Variants in QKI observed in about 807,000 individuals in gnomAD.
QKI encodes KH domain-containing RNA-binding protein QKI.
A neutral mutation model predicts 39.0 loss-of-function variants in QKI; 10 were observed. The ratio of observed to expected loss-of-function variants is 0.26; its 90% CI spans 0.16 to 0.43. QKI has a LOEUF of 0.43. Ranked by LOEUF, QKI falls within the 20% of genes least tolerant of loss-of-function variation. The pLI, the probability that QKI is intolerant of heterozygous loss-of-function variation, is 1.00. For missense variants in QKI, 218 were observed against 428.0 expected (o/e 0.51, Z 4.33); for synonymous variants, 204 against 155.4 (o/e 1.31, Z -2.33).
In QKI at chr6:163,570,294, T is replaced by C. The variant is rs139772926; in HGVS notation, c.1010-400T>C. 4.3e-3 allele frequency: 4,250 copies of C among 986,912 alleles called. 15 individuals are homozygous for C. Among genetic ancestry groups the C allele is most frequent in the Non-Finnish European group, 4.8e-3 (3,998 of 830,022 alleles). The allele number at this position is 986,912 out of a possible 1,614,324, so 61.1% of individuals were successfully genotyped here. A position where few individuals can be genotyped will look rare whatever the true frequency, so the allele number is the denominator to read the frequency against. ...CTTGCATCTTAGAGAATACTAATGC[T>C]TAATAGCAGTCAGATACTGATAACT... On this transcript the variant is annotated intron_variant, in intron 7 of 7. Transcript: ENST00000361752.
intron 4 of QKI, among the ~76,000 whole-genome samples, chr6:163,552,509 C>T (rs1782298623): frequency 6.6e-6 from 1 of 152,006 alleles, no homozygotes; most frequent in Non-Finnish European, 1.5e-5. Context: ...CGTGCCCAGC[C>T]TCATAAAGTT....
Position 163,564,588 on chromosome 6 carries a change from CATAAT to C in QKI, c.934+874_934+878del, listed in dbSNP as rs1303123123. ...TCTCACTTAAGGCAGAAATTAAAAT[CATAAT>C]ATAAACGCTTGGTTTTACATGAACA... is the stretch of plus-strand genomic sequence containing the variant. On this transcript the variant is annotated intron_variant, in intron 6 of 7. Coordinates refer to ENST00000361752, the MANE Select transcript of QKI (RefSeq NM_006775.3). The C allele has an allele frequency of 5.2e-5, 84 of 1,603,784 alleles. No individual in the cohort carries two copies. The Admixed American group carries it at 1.3e-3, about 25-fold the overall frequency.
chr6:163,546,301 A>T (rs189244212), intron 4 of QKI, among the ~76,000 whole-genome samples: 7 of 151,976 alleles, frequency 4.6e-5, no homozygotes, highest in Admixed American at 4.6e-4. Flanking sequence ...GGTAAGTAGC[A>T]TCATGTTCCT....
Position 163,476,101 on chromosome 6 carries a change from T to A in QKI, c.286-2679T>A, listed in dbSNP as rs561190717. Among the ~76,000 whole-genome samples the A allele has an allele frequency of 2.0e-4, 31 of 152,234 alleles. No homozygotes were observed. In the South Asian group the frequency reaches 5.8e-3, roughly 29 times the overall value. On this transcript the variant is annotated intron_variant, in intron 2 of 7. Coordinates refer to ENST00000361752, the MANE Select transcript of QKI (RefSeq NM_006775.3). Reference sequence around the variant, plus strand: ...ATGTGAAAAAAATGCTTAGCTTCATTAGTAGTCAGAGGAATGCTAATTGAA... The same window carrying A: ...ATGTGAAAAAAATGCTTAGCTTCATAAGTAGTCAGAGGAATGCTAATTGAA...
rs1456133147 is a variant in QKI at position 163,571,641 on chromosome 6, T to C, written c.*931T>C. 2.6e-5 allele frequency: 4 copies of C among 152,024 alleles called. No individual in the cohort carries two copies. Among genetic ancestry groups the C allele is most frequent in the African/African-American group, 4.8e-5 (2 of 41,406 alleles). 9.4% of individuals were successfully genotyped at this position (152,024 alleles called of 1,614,324 possible). A position where few individuals can be genotyped will look rare whatever the true frequency, so the allele number is the denominator to read the frequency against. ...AACAAATGAACAAAAAGTAGATACT[T>C]TTACTATACAAGGGTGCTGGTGCAG... On this transcript the variant is annotated 3_prime_UTR_variant, in exon 8 of 8. Transcript: ENST00000361752.
chr6:163,523,033 A>G (rs1327292770), intron 3 of QKI, among the ~76,000 whole-genome samples: 1 of 152,182 alleles, frequency 6.6e-6, no homozygotes, highest in Non-Finnish European at 1.5e-5. Context: ...GTTCTCTTAC[A>G]TTTTGGAAAT....
intron 4 of QKI, among the ~76,000 whole-genome samples, chr6:163,541,532 G>A (rs868367384): frequency 3.9e-4 from 52 of 134,304 alleles, no homozygotes; most frequent in African/African-American, 1.4e-3. Context: ...AGTTTTGTCT[G>A]TTACTGAAAG....
chr6:163,445,875 A>G (rs760787911), intron 1 of QKI, among the ~76,000 whole-genome samples: 2 of 152,130 alleles, frequency 1.3e-5, no homozygotes, highest in Non-Finnish European at 2.9e-5. Flanking sequence ...CGGCCTCCCA[A>G]AGTGCTGGGA....
intron 3 of QKI, among the ~76,000 whole-genome samples, chr6:163,528,694 C>T (rs1780665930): frequency 6.6e-6 from 1 of 152,116 alleles, no homozygotes; most frequent in Admixed American, 6.6e-5. Flanking sequence ...GTCAAGAATA[C>T]AGACCATGAT....
intron 3 of QKI, among the ~76,000 whole-genome samples, chr6:163,509,538 C>T (rs1480268941): frequency 1.3e-5 from 2 of 151,618 alleles, no homozygotes; most frequent in South Asian, 4.2e-4. Context: ...TACACGTGGA[C>T]GTATGTGGTT....
intron 3 of QKI, among the ~76,000 whole-genome samples, chr6:163,510,643 A>G (rs112467229): frequency 1.8e-4 from 27 of 152,324 alleles, no homozygotes; most frequent in African/African-American, 6.5e-4. Flanking sequence ...ATTTTAAGAA[A>G]ACAGTAAAAG....
chr6:163,437,204 AT>A (rs1338843752), intron 1 of QKI, among the ~76,000 whole-genome samples: 1 of 152,170 alleles, frequency 6.6e-6, no homozygotes. Context: ...TCAGATGAAA[AT>A]TAAAATTTGT....
At chr6:163,455,483 T>G (rs1790849285) in intron 2 of QKI, 62 bp downstream of exon 2, 1 of 1,448,422 alleles carries the variant, frequency 6.9e-7, no homozygotes, top group African/African-American at 1.4e-5. Context: ...GGAAGAGATA[T>G]ATTTGGTGGT....
At chr6:163,510,217 AAATAATAATAATAATAAT>A (rs142297811) in intron 3 of QKI, among the ~76,000 whole-genome samples, 53 of 136,258 alleles carry the variant, frequency 3.9e-4, no homozygotes, top group South Asian at 1.2e-3. Context: ...CTCTATCTCA[AAATAATAATAATAATAAT>A]AATAATAATA....
intron 4 of QKI, among the ~76,000 whole-genome samples, chr6:163,550,685 G>T (rs528172501): frequency 6.6e-6 from 1 of 152,094 alleles, no homozygotes; most frequent in East Asian, 1.9e-4. Context: ...GGTGGCTGAC[G>T]CCTGTAATCC....
chr6:163,565,950 G>T (rs1359084074), intron 6 of QKI: 3 of 1,613,280 alleles, frequency 1.9e-6, no homozygotes, highest in Admixed American at 3.3e-5. Flanking sequence ...CTTTAGGTAT[G>T]GCTTTCCCAA....
chr6:163,561,946 T>C, intron 4 of QKI, 36 bp from the exon 5 acceptor site: 1 of 1,527,422 alleles, frequency 6.5e-7, no homozygotes, highest in Non-Finnish European at 9.0e-7. Context: ...GTGGACAGTC[T>C]CAAATGCTTT....
At chr6:163,504,974 T>G (rs1367450506) in intron 3 of QKI, among the ~76,000 whole-genome samples, 1 of 152,184 alleles carries the variant, frequency 6.6e-6, no homozygotes, top group Non-Finnish European at 1.5e-5. Context: ...AAAACCATGT[T>G]TCCTAATATT....
intron 3 of QKI, among the ~76,000 whole-genome samples, chr6:163,513,453 A>G (rs59759961): frequency 0.15 from 22,995 of 152,174 alleles, 1,896 homozygotes; most frequent in East Asian, 0.27. Context: ...TATATGAATA[A>G]TATGAATAGG....
Sources: allele counts gnomAD v4.1 joint callset (sites outside exome capture counted in the v4.1 genomes callset), GRCh38; gene constraint gnomAD v4.1.1; transcripts MANE v1.5; gene names NCBI Gene and HGNC (gene_info 2026-07-23, HGNC 2026-07-21).